Variants in R3HDM1 observed in about 807,000 individuals in gnomAD.
R3HDM1 encodes the protein R3H domain containing 1, also known as R3H domain-containing protein 1.
R3HDM1 carries 46 observed loss-of-function variants against 141.1 expected under a neutral mutation model. That is an observed-to-expected ratio of 0.33 (90% CI 0.26 to 0.42). R3HDM1 has a LOEUF of 0.42. Among genes scored for constraint, R3HDM1 ranks in the 10% least tolerant of loss-of-function variants. R3HDM1 has a pLI of 1.00. For synonymous variants in R3HDM1, 435 were observed against 472.9 expected, an observed-to-expected ratio of 0.92 and a Z score of 1.04; for missense variants, 1,184 against 1,368.3, an observed-to-expected ratio of 0.87 and a Z score of 2.12.
intron 1 of R3HDM1, among the ~76,000 whole-genome samples, chr2:135,580,313 T>C (rs1706510977): frequency 6.6e-6 from 1 of 152,192 alleles, no homozygotes. Flanking sequence ...ACCTAAACTC[T>C]TGTTATCTGA....
chr2:135,578,041 A>G (rs1705894652), intron 1 of R3HDM1, among the ~76,000 whole-genome samples: 1 of 152,052 alleles, frequency 6.6e-6, no homozygotes, highest in African/African-American at 2.4e-5. Flanking sequence ...TGACCCAACA[A>G]TCCCACTTCT....
chr2:135,616,548 T>A (rs2061037388), intron 4 of R3HDM1, 120 bp from the exon 5 acceptor site: 5 of 786,286 alleles, frequency 6.4e-6, no homozygotes, highest in Non-Finnish European at 1.0e-5. Flanking sequence ...AACTTGCACA[T>A]TTCATCTACT....
chr2:135,569,052 A>G (rs995176284), intron 1 of R3HDM1, among the ~76,000 whole-genome samples: 1 of 151,574 alleles, frequency 6.6e-6, no homozygotes, highest in East Asian at 2.0e-4. Flanking sequence ...TGCAGTTTTT[A>G]CTGTGGCCTA....
At chr2:135,578,866 ATAG>A (rs1156244728) in intron 1 of R3HDM1, among the ~76,000 whole-genome samples, 6 of 152,326 alleles carry the variant, frequency 3.9e-5, no homozygotes, top group African/African-American at 7.2e-5. Context: ...ACAGATTAAG[ATAG>A]TAGGCTAGAA....
intron 1 of R3HDM1, among the ~76,000 whole-genome samples, chr2:135,543,404 GTTC>G (rs1054649535): frequency 7.4e-5 from 11 of 148,874 alleles, no homozygotes; most frequent in African/African-American, 2.7e-4. Context: ...CTCCAATTCT[GTTC>G]TTCTTTTTCG....
intron 26 of R3HDM1, among the ~76,000 whole-genome samples, 155 bp downstream of exon 26, chr2:135,722,708 T>A (rs978778327): frequency 6.6e-6 from 1 of 152,158 alleles, no homozygotes; most frequent in African/African-American, 2.4e-5. Flanking sequence ...TATGTTCCTA[T>A]GACCTTGTGT....
At chr2:135,574,202 A>G (rs1191386973) in intron 1 of R3HDM1, among the ~76,000 whole-genome samples, 1 of 152,222 alleles carries the variant, frequency 6.6e-6, no homozygotes, top group Admixed American at 6.5e-5. Context: ...AATTTTTAAA[A>G]AATTTTAAAA....
intron 1 of R3HDM1, chr2:135,561,391 A>C (rs987469705): frequency 2.7e-5 from 25 of 909,792 alleles, no homozygotes; most frequent in Non-Finnish European, 3.2e-5. Flanking sequence ...ACGTGGAGAA[A>C]ACAGAATAAA....
intron 15 of R3HDM1, among the ~76,000 whole-genome samples, chr2:135,642,325 T>A (rs2063888633): frequency 6.6e-6 from 1 of 152,166 alleles, no homozygotes; most frequent in Admixed American, 6.5e-5. Flanking sequence ...TGTATTAATA[T>A]TGACAATACA....
chr2:135,590,028 C>T (rs1574123248), intron 1 of R3HDM1, among the ~76,000 whole-genome samples: 2 of 152,174 alleles, frequency 1.3e-5, no homozygotes, highest in African/African-American at 4.8e-5. Flanking sequence ...CATGTGATTG[C>T]TGCATTTCTG....
intron 24 of R3HDM1, among the ~76,000 whole-genome samples, chr2:135,717,354 C>T (rs927678070): frequency 1.2e-4 from 19 of 152,002 alleles, no homozygotes; most frequent in African/African-American, 4.6e-4. Flanking sequence ...CACAGTGGCA[C>T]ATGCCTATAA....
intron 19 of R3HDM1, among the ~76,000 whole-genome samples, chr2:135,671,396 T>C (rs1267153052): frequency 2.6e-5 from 4 of 151,864 alleles, no homozygotes; most frequent in Admixed American, 6.6e-5. Flanking sequence ...TAAGATGGAG[T>C]TTCGCTCTTG....
chr2:135,715,863 A>G (rs747161621), intron 24 of R3HDM1, among the ~76,000 whole-genome samples, 169 bp downstream of exon 24: 3 of 152,234 alleles, frequency 2.0e-5, no homozygotes, highest in Non-Finnish European at 4.4e-5. Flanking sequence ...ACCTTAATGT[A>G]TCATTGCTAA....
chr2:135,621,399 C>T (rs987717191), intron 5 of R3HDM1, 95 bp from the exon 6 acceptor site: 1 of 666,052 alleles, frequency 1.5e-6, no homozygotes, highest in African/African-American at 1.9e-5. Flanking sequence ...TCTTTTTCCT[C>T]TGTACAATTC....
rs2061871816 is a variant in R3HDM1 at position 135,625,066 on chromosome 2, C to T, written c.497+2334C>T. 2.0e-5 allele frequency among the ~76,000 whole-genome samples: 3 copies of T among 152,170 alleles called. No individual in the cohort carries two copies. In the South Asian group the frequency reaches 6.2e-4, roughly 31 times the overall value. Reference sequence around the variant, plus strand: ...TCTCGCCACTGCCCTCCAGCCTGGACTCCATCTCTAAAGAGAGAGAGAGAG... The same window carrying T: ...TCTCGCCACTGCCCTCCAGCCTGGATTCCATCTCTAAAGAGAGAGAGAGAG... On this transcript the variant is annotated intron_variant, in intron 7 of 26. Coordinates refer to ENST00000683871, the MANE Select transcript of R3HDM1 (RefSeq NM_001378107.1).
intron 7 of R3HDM1, among the ~76,000 whole-genome samples, chr2:135,626,211 GCTTGCT>G (rs1559280719): frequency 5.6e-5 from 8 of 142,600 alleles, no homozygotes; most frequent in African/African-American, 2.4e-4. Context: ...GTGCGTGCGT[GCTTGCT>G]TGCTTGCTTG....
At chr2:135,675,963 G>A (rs191016910) in intron 20 of R3HDM1, among the ~76,000 whole-genome samples, 29 of 152,292 alleles carry the variant, frequency 1.9e-4, no homozygotes, top group African/African-American at 5.8e-4. Flanking sequence ...GCAGTTTCCT[G>A]TGCTGTGACT....
At chr2:135,672,997 C>T (rs1333312690) in intron 19 of R3HDM1, among the ~76,000 whole-genome samples, 3 of 152,120 alleles carry the variant, frequency 2.0e-5, no homozygotes, top group African/African-American at 7.2e-5. Flanking sequence ...GCCCCAGCTA[C>T]TGGGGAGGCT....
intron 1 of R3HDM1, chr2:135,577,087 A>G: frequency 1.1e-6 from 1 of 945,974 alleles, no homozygotes; most frequent in African/African-American, 1.8e-5. Context: ...CTAAATGTTT[A>G]AAGAGAGAGA....
Sources: gnomAD v4.1 joint callset for allele counts (sites outside exome capture counted in the v4.1 genomes callset) on GRCh38, gnomAD v4.1.1 for gene constraint, MANE v1.5 for transcripts, NCBI Gene and HGNC (gene_info 2026-07-23, HGNC 2026-07-21) for gene names.